TRPS1: variants seen among roughly 807,000 people sequenced by gnomAD.
TRPS1 encodes the protein transcriptional repressor GATA binding 1, also known as zinc finger transcription factor Trps1.
Under a neutral mutation model 101.2 loss-of-function variants are expected in TRPS1, and 6 were observed. That is an observed-to-expected ratio of 0.06 (90% confidence interval 0.03 to 0.12). TRPS1 has a LOEUF of 0.12. Ranked by LOEUF, TRPS1 falls within the 10% of genes least tolerant of loss-of-function variation. TRPS1 has a pLI of 1.00. For synonymous variants in TRPS1, 578 were observed against 589.8 expected (o/e 0.98, Z 0.29); for missense variants, 1,363 against 1,567.0 (o/e 0.87, Z 2.20).
chr8:115,417,373 A>G (rs1015374969), intron 6 of TRPS1, among the ~76,000 whole-genome samples: 10 of 152,194 alleles, frequency 6.6e-5, no homozygotes, highest in Non-Finnish European at 1.3e-4. Flanking sequence ...CTAATGGTCC[A>G]TATATGAGAA....
intron 5 of TRPS1, among the ~76,000 whole-genome samples, chr8:115,545,420 T>C (rs960505943): frequency 1.3e-5 from 2 of 152,200 alleles, no homozygotes; most frequent in Non-Finnish European, 2.9e-5. Flanking sequence ...TTTTCTTAAA[T>C]ATTCTCTCTA....
chr8:115,535,182 A>G (rs983095576), intron 5 of TRPS1, among the ~76,000 whole-genome samples: 3 of 147,228 alleles, frequency 2.0e-5, no homozygotes, highest in Admixed American at 1.4e-4. Context: ...CATATATAGC[A>G]TATGTATAGC....
intron 5 of TRPS1, among the ~76,000 whole-genome samples, chr8:115,459,259 G>A (rs1250365675): frequency 6.6e-6 from 1 of 152,060 alleles, no homozygotes; most frequent in Non-Finnish European, 1.5e-5. Context: ...GGGAGGCGGA[G>A]CTTGCAGTGA....
intron 5 of TRPS1, among the ~76,000 whole-genome samples, chr8:115,559,928 AAATAC>A (rs1309823235): frequency 6.6e-6 from 1 of 152,026 alleles, no homozygotes; most frequent in Admixed American, 6.6e-5. Context: ...ATACTTATAG[AAATAC>A]TGAGTCATAA....
chr8:115,450,306 A>G (rs2737271), intron 5 of TRPS1, among the ~76,000 whole-genome samples: 152,114 of 152,328 alleles, frequency 1, 75,950 homozygotes, highest in East Asian at 1. Flanking sequence ...TAGACAGTCC[A>G]TACTCAGAGT....
chr8:115,610,615 A>G (rs1052100334), intron 3 of TRPS1, among the ~76,000 whole-genome samples: 3 of 152,214 alleles, frequency 2.0e-5, no homozygotes, highest in Admixed American at 6.5e-5. Context: ...TACAGGGGAA[A>G]CCAAAACTCA....
rs965777285 is a variant in TRPS1 at position 115,667,936 on chromosome 8, T to TGGCGGC, written c.-122+603_-122+608dup. ...TCACGAGCCCCCAGAAAACTTGCAGTGGCGGCGGCGGCGGCGGCCCCTCGG... is the reference window on the plus strand; with the variant it reads ...TCACGAGCCCCCAGAAAACTTGCAGTGGCGGCGGCGGCGGCGGCGGCGGCCCCTCGG... On this transcript the variant is annotated intron_variant, in intron 1 of 6. Transcript: ENST00000395715. The TGGCGGC allele has an allele frequency of 3.8e-5, 59 of 1,533,324 alleles. No homozygotes were observed. In the Middle Eastern group the frequency reaches 6.7e-4, roughly 17 times the overall value. 95.0% of individuals were successfully genotyped at this position (1,533,324 alleles called of 1,614,324 possible). A position where few individuals can be genotyped will look rare whatever the true frequency, so the allele number is the denominator to read the frequency against.
chr8:115,521,570 T>C (rs1317107579), intron 5 of TRPS1, among the ~76,000 whole-genome samples: 2 of 151,926 alleles, frequency 1.3e-5, no homozygotes, highest in Non-Finnish European at 2.9e-5. Flanking sequence ...GATGTGTTAA[T>C]AAATTATACA....
At chr8:115,476,512 C>T (rs762317686) in intron 5 of TRPS1, among the ~76,000 whole-genome samples, 2 of 152,112 alleles carry the variant, frequency 1.3e-5, no homozygotes, top group Admixed American at 6.5e-5. Context: ...TCCTGAAGTT[C>T]GGCCAACTAA....
intron 5 of TRPS1, among the ~76,000 whole-genome samples, chr8:115,483,490 G>A (rs1314734645): frequency 1.4e-5 from 2 of 147,968 alleles, no homozygotes; most frequent in African/African-American, 5.0e-5. Flanking sequence ...CTGTAATCAT[G>A]CTACTGCACT....
intron 5 of TRPS1, among the ~76,000 whole-genome samples, chr8:115,468,868 G>A (rs961889482): frequency 5.3e-5 from 8 of 152,190 alleles, no homozygotes; most frequent in Non-Finnish European, 1.0e-4. Context: ...GGCCAGGCAT[G>A]GTGGCTCACT....
chr8:115,600,283 T>C (rs1365268855), intron 4 of TRPS1, among the ~76,000 whole-genome samples: 1 of 152,208 alleles, frequency 6.6e-6, no homozygotes, highest in Non-Finnish European at 1.5e-5. Context: ...ATTTGTGTTT[T>C]CTACTGATTT....
At chr8:115,618,133 G>A (rs1818311370) in intron 3 of TRPS1, among the ~76,000 whole-genome samples, 1 of 151,954 alleles carries the variant, frequency 6.6e-6, no homozygotes, top group Non-Finnish European at 1.5e-5. Context: ...ATATTTTAAG[G>A]GATTTATTTC....
chr8:115,607,105 A>G (rs1818055563), intron 3 of TRPS1, among the ~76,000 whole-genome samples: 1 of 152,122 alleles, frequency 6.6e-6, no homozygotes, highest in African/African-American at 2.4e-5. Flanking sequence ...TGATTTTGCA[A>G]TCTTTAAGCC....
At chr8:115,494,981 G>C (rs145175003) in intron 5 of TRPS1, among the ~76,000 whole-genome samples, 35 of 152,246 alleles carry the variant, frequency 2.3e-4, no homozygotes, top group African/African-American at 8.2e-4. Context: ...CAGTGTATCT[G>C]ATGTGCTCCT....
intron 5 of TRPS1, among the ~76,000 whole-genome samples, chr8:115,502,207 A>G (rs1815335862): frequency 6.6e-6 from 1 of 152,142 alleles, no homozygotes. Context: ...GGCAAGATCA[A>G]TTAAGTCATG....
chr8:115,534,746 C>T (rs1197282501), intron 5 of TRPS1, among the ~76,000 whole-genome samples: 6 of 152,012 alleles, frequency 3.9e-5, no homozygotes, highest in Non-Finnish European at 8.8e-5. Context: ...ATATATGATG[C>T]TAAACTGTTT....
At chr8:115,435,294 A>G (rs1171734579) in intron 5 of TRPS1, among the ~76,000 whole-genome samples, 1 of 152,218 alleles carries the variant, frequency 6.6e-6, no homozygotes, top group African/African-American at 2.4e-5. Flanking sequence ...AATCAGAGTA[A>G]TGTTGATGAA....
chr8:115,630,152 G>A (rs2130559227), intron 1 of TRPS1, among the ~76,000 whole-genome samples: 1 of 152,040 alleles, frequency 6.6e-6, no homozygotes, highest in South Asian at 2.1e-4. Context: ...ATTCAAGCCT[G>A]AGAGGATGAC....
Sources: gnomAD v4.1 joint callset for allele counts (sites outside exome capture counted in the v4.1 genomes callset) on GRCh38, gnomAD v4.1.1 for gene constraint, MANE v1.5 for transcripts, NCBI Gene and HGNC (gene_info 2026-07-23, HGNC 2026-07-21) for gene names.